GALNT9: variants seen among roughly 807,000 people sequenced by gnomAD.
GALNT9 encodes the protein polypeptide N-acetylgalactosaminyltransferase 9.
Under a neutral mutation model 63.1 loss-of-function variants are expected in GALNT9, and 47 were observed. The observed-to-expected ratio is 0.75, with a 90% CI of 0.59 to 0.95. The LOEUF is 0.95. Ranked by LOEUF, GALNT9 falls within the 40% of genes least tolerant of loss-of-function variation. GALNT9 has a pLI of 0.00. For missense variants in GALNT9, 829 were observed against 874.8 expected (o/e 0.95, Z 0.66); for synonymous variants, 396 against 365.7 (o/e 1.08, Z -0.94).
chr12:132,216,318 C>A (rs551027252), intron 6 of GALNT9, among the ~76,000 whole-genome samples: 15 of 152,324 alleles, frequency 9.8e-5, no homozygotes, highest in African/African-American at 2.9e-4. Context: ...GGGGCACAGC[C>A]CCTTGCTTCT....
chr12:132,201,025 T>G, intron 8 of GALNT9, 99 bp downstream of exon 8: 1 of 1,191,494 alleles, frequency 8.4e-7, no homozygotes, highest in Non-Finnish European at 1.2e-6. Context: ...CCTCTCCGTG[T>G]GCATGTGGAT....
chr12:132,328,314 G>C (rs540870102), intron 1 of GALNT9, among the ~76,000 whole-genome samples: 1 of 152,152 alleles, frequency 6.6e-6, no homozygotes, highest in East Asian at 1.9e-4. Context: ...CACAACTTGG[G>C]CCCCCCTGGG....
At chr12:132,250,884 C>T (rs1878889949) in intron 5 of GALNT9, among the ~76,000 whole-genome samples, 1 of 152,220 alleles carries the variant, frequency 6.6e-6, no homozygotes, top group South Asian at 2.1e-4. Flanking sequence ...GGACCCACAT[C>T]CCCGGAGGCC....
rs1400168304 is a variant in GALNT9, at chr12:132,299,356, C to T, written c.239-12926G>A. On this transcript the variant is annotated intron_variant, in intron 1 of 10. Coordinates refer to ENST00000328957, the MANE Select transcript of GALNT9 (RefSeq NM_001122636.2). ...AGCCACTGCTGAGATAACCCACTCC[C>T]ATGATAACTAACCCACTCCCACCAC... Among the ~76,000 whole-genome samples, 3 of 136,228 alleles carry T rather than the reference C, an allele frequency of 2.2e-5. No individual in the cohort carries two copies. The East Asian group carries it at 7.6e-4, about 34-fold the overall frequency. 89.4% of individuals were successfully genotyped at this position (136,228 alleles called of 152,430 possible).
rs1262752275 is a variant in GALNT9, at chr12:132,299,931, G to C, written c.239-13501C>G. 1.9e-3 allele frequency among the ~76,000 whole-genome samples: 203 copies of C among 107,668 alleles called. 2 individuals are homozygous for C. Among genetic ancestry groups the C allele is most frequent in the Admixed American group, 3.9e-3 (37 of 9,518 alleles). 70.6% of individuals were successfully genotyped at this position (107,668 alleles called of 152,430 possible). On this transcript the variant is annotated intron_variant, in intron 1 of 10. Coordinates refer to ENST00000328957, the MANE Select transcript of GALNT9 (RefSeq NM_001122636.2). The stretch of plus-strand genomic sequence containing the variant: ...CCATCCCTGAGATAACCAAGCCACT[G>C]CTGAGATAACCCACTCCCATGATAA...
intron 1 of GALNT9, among the ~76,000 whole-genome samples, chr12:132,320,987 C>T (rs1445664274): frequency 6.6e-6 from 1 of 152,172 alleles, no homozygotes; most frequent in Non-Finnish European, 1.5e-5. Context: ...GCGGTCGACG[C>T]CACAGTCAGT....
At chr12:132,322,519 T>C (rs782026505) in intron 1 of GALNT9, among the ~76,000 whole-genome samples, 1 of 152,240 alleles carries the variant, frequency 6.6e-6, no homozygotes, top group Admixed American at 6.5e-5. Flanking sequence ...CGTGACTCAG[T>C]TGCCCCACAG....
At chr12:132,216,559 C>T (rs1437179115) in intron 6 of GALNT9, among the ~76,000 whole-genome samples, 1 of 152,226 alleles carries the variant, frequency 6.6e-6, no homozygotes, top group East Asian at 1.9e-4. Flanking sequence ...AGGGGGTCCA[C>T]AGGCAGGCGG....
At chr12:132,277,988 C>G (rs1428162183) in intron 2 of GALNT9, 2 of 147,146 alleles carry the variant, frequency 1.4e-5, no homozygotes, top group Non-Finnish European at 3.0e-5. Context: ...GCCCTCCCCC[C>G]GCCCCGGCCC....
intron 2 of GALNT9, among the ~76,000 whole-genome samples, chr12:132,267,183 T>C (rs1555240271): frequency 6.7e-6 from 1 of 149,306 alleles, no homozygotes; most frequent in African/African-American, 2.5e-5. Context: ...AGAGGAGGGC[T>C]GGGGAATGAG....
rs554965043 is a variant in GALNT9, at chr12:132,201,758, G to A, written c.1264-497C>T. 2.8e-3 allele frequency among the ~76,000 whole-genome samples: 426 copies of A among 151,994 alleles called. 3 individuals are homozygous for A. The highest frequency in any genetic ancestry group is 4.2e-3 in the Non-Finnish European group (283 of 67,844). ...GAGAATCAAGTCCTTGGGACCCCCC[G>A]CGGGGGGACACCTGAGAGCTTGTAC... is the stretch of plus-strand genomic sequence containing the variant. On this transcript the variant is annotated intron_variant, in intron 7 of 10. Coordinates refer to ENST00000328957, the MANE Select transcript of GALNT9 (RefSeq NM_001122636.2).
intron 6 of GALNT9, among the ~76,000 whole-genome samples, chr12:132,233,517 C>T (rs1257565292): frequency 6.2e-5 from 2 of 32,274 alleles, no homozygotes; most frequent in African/African-American, 2.4e-4. Context: ...GTGCCACACA[C>T]TCGATGGGGT....
intron 6 of GALNT9, among the ~76,000 whole-genome samples, chr12:132,230,559 TG>T (rs1337279802): frequency 6.7e-6 from 1 of 148,728 alleles, no homozygotes; most frequent in African/African-American, 2.6e-5. Context: ...GGGGGAGTCC[TG>T]TTAATCTGTC....
Position 132,196,843 on chromosome 12 carries a change from G to C in GALNT9, c.*264C>G. ...AGCAGCCTGGCCAGGAGATACCGTG[G>C]AGAAGGCACGTGTTTGAGTTGGCAT... On this transcript the variant is annotated 3_prime_UTR_variant, in exon 11 of 11. Transcript: ENST00000328957. The C allele has an allele frequency of 7.7e-7, 1 of 1,290,754 alleles. No individual in the cohort carries two copies. Among genetic ancestry groups the C allele is most frequent in the Non-Finnish European group, 9.9e-7 (1 of 1,013,976 alleles). The allele number at this position is 1,290,754 out of a possible 1,614,324, so 80.0% of individuals were successfully genotyped here. A position where few individuals can be genotyped will look rare whatever the true frequency, so the allele number is the denominator to read the frequency against.
rs1036993860 is a variant in GALNT9 at position 132,257,867 on chromosome 12, G to T, written c.781C>A (p.Arg261=). 6 of 1,545,882 alleles carry T rather than the reference G, an allele frequency of 3.9e-6. No individual in the cohort carries two copies. In the African/African-American group the frequency reaches 6.9e-5, roughly 18 times the overall value. Residue 261 remains arginine (R), a synonymous_variant, in exon 5 of 11, where the codon CGG becomes AGG. Coordinates refer to ENST00000328957, the MANE Select transcript of GALNT9 (RefSeq NM_001122636.2). ...NTGWAEPALS[R]IREDRRRIVL... is the part of the protein sequence containing the mutation. The stretch of plus-strand genomic sequence containing the variant: ...ATGCGACGCCGGTCCTCTCGGATCC[G>T]CGACAGTGCGGGCTCGGCCCTGCGG...
intron 1 of GALNT9, among the ~76,000 whole-genome samples, chr12:132,294,970 G>A (rs1237065549): frequency 6.6e-6 from 1 of 152,240 alleles, no homozygotes; most frequent in Non-Finnish European, 1.5e-5. Flanking sequence ...GATCCCACCA[G>A]GAAGCAAGGA....
At chr12:132,251,601 G>C (rs1295147018) in intron 5 of GALNT9, among the ~76,000 whole-genome samples, 4 of 152,226 alleles carry the variant, frequency 2.6e-5, no homozygotes, top group African/African-American at 7.2e-5. Flanking sequence ...AGGTCTCAGG[G>C]ACAGCACCCT....
At chr12:132,299,343 G>A (rs140216865) in intron 1 of GALNT9, among the ~76,000 whole-genome samples, 4,346 of 131,144 alleles carry the variant, frequency 0.033, 190 homozygotes, top group African/African-American at 0.12. Flanking sequence ...CCACTGCTGA[G>A]ATAACCCACT....
chr12:132,308,053 A>G (rs1240912318), intron 1 of GALNT9, among the ~76,000 whole-genome samples: 1 of 152,030 alleles, frequency 6.6e-6, no homozygotes, highest in South Asian at 2.1e-4. Context: ...AAAAAACAAA[A>G]AAACACACAA....
Sources: gnomAD v4.1 joint callset for allele counts (sites outside exome capture counted in the v4.1 genomes callset) on GRCh38, gnomAD v4.1.1 for gene constraint, MANE v1.5 for transcripts, NCBI Gene and HGNC (gene_info 2026-07-23, HGNC 2026-07-21) for gene names.